PLB1: variants seen among roughly 807,000 people sequenced by gnomAD.
PLB1 encodes phospholipase B1, also known as phospholipase B1, membrane-associated.
PLB1 carries 242 observed loss-of-function variants against 227.4 expected under a neutral mutation model. The observed-to-expected ratio is 1.06, with a 90% confidence interval of 0.96 to 1.18. The LOEUF (loss-of-function observed/expected upper bound fraction) is 1.18. PLB1 is among the 50% of genes most tolerant of loss of function. The pLI is 0.00. For missense variants in PLB1, 1,858 were observed against 1,816.3 expected, an observed-to-expected ratio of 1.02 and a Z score of -0.42; for synonymous variants, 757 against 682.2, an observed-to-expected ratio of 1.11 and a Z score of -1.71.
chr2:28,504,319 C>A (rs1185988196), intron 1 of PLB1, among the ~76,000 whole-genome samples: 1 of 152,130 alleles, frequency 6.6e-6, no homozygotes, highest in African/African-American at 2.4e-5. Flanking sequence ...TAAACCTGAT[C>A]GTTGAAGATT....
Position 28,529,907 on chromosome 2 carries a change from T to TA in PLB1, c.468+134dup, listed in dbSNP as rs1572779806. The TA allele has an allele frequency of 1.1e-5, 8 of 753,736 alleles. No individual in the cohort carries two copies. In the East Asian group the frequency reaches 1.3e-4, roughly 12 times the overall value. The allele number at this position is 753,736 out of a possible 1,614,324, so 46.7% of individuals were successfully genotyped here. Reference sequence around the variant, plus strand: ...GGCAACTAGTGTGACCTGGGTTCTTTAAAAAATGTCTCTGCCATTCTCTGG... The same window carrying TA: ...GGCAACTAGTGTGACCTGGGTTCTTTAAAAAAATGTCTCTGCCATTCTCTGG... On this transcript the variant is annotated intron_variant, in intron 8 of 57. Transcript: ENST00000327757.
chr2:28,638,185 T>C (rs1402945563), intron 56 of PLB1, among the ~76,000 whole-genome samples: 1 of 151,718 alleles, frequency 6.6e-6, no homozygotes, highest in East Asian at 1.9e-4. Context: ...TGACCACATC[T>C]GTGGTTTAAG....
chr2:28,640,206 T>C (rs1471676693), intron 56 of PLB1, among the ~76,000 whole-genome samples: 1 of 152,116 alleles, frequency 6.6e-6, no homozygotes, highest in East Asian at 1.9e-4. Context: ...AAACAGACTC[T>C]GAATAGGTGA....
In PLB1 at chr2:28,501,019, T is replaced by C. The variant is rs541839176; in HGVS notation, c.55+4850T>C. On this transcript the variant is annotated intron_variant, in intron 1 of 57. Transcript: ENST00000327757. The stretch of plus-strand genomic sequence containing the variant: ...GGCTTCCATTGGTAGGGGAGTGTTA[T>C]TTAGAAACCAAGGTCCAGGTGCTAG... Among the ~76,000 whole-genome samples, 6 of 152,348 alleles carry C rather than the reference T, an allele frequency of 3.9e-5. No individual in the cohort carries two copies. The South Asian group carries it at 1.2e-3, about 32-fold the overall frequency.
chr2:28,597,683 A>G (rs58246138), intron 33 of PLB1, among the ~76,000 whole-genome samples: 7,665 of 152,294 alleles, frequency 0.05, 628 homozygotes, highest in African/African-American at 0.17. Context: ...TCACATCTAC[A>G]TCACTGGCTT....
chr2:28,633,287 A>G lies in PLB1; in HGVS notation c.4098+248A>G, dbSNP rs189737961. 241 of 480,734 alleles carry G rather than the reference A, an allele frequency of 5.0e-4. 4 individuals are homozygous for G. The East Asian group carries it at 7.9e-3, about 16-fold the overall frequency. 29.8% of individuals were successfully genotyped at this position (480,734 alleles called of 1,614,324 possible). On this transcript the variant is annotated intron_variant, in intron 56 of 57. Coordinates refer to ENST00000327757, the MANE Select transcript of PLB1 (RefSeq NM_153021.5). ...ATTCTTTGTTCCTTCAGCAATGCCC[A>G]GGTACTGCGAGGGGATCCCTTTGTA...
intron 43 of PLB1, among the ~76,000 whole-genome samples, chr2:28,610,567 C>T (rs1212235318): frequency 6.6e-6 from 1 of 152,156 alleles, no homozygotes; most frequent in African/African-American, 2.4e-5. Flanking sequence ...TTCTCAGTTC[C>T]AGCCACTCAT....
chr2:28,634,958 C>T (rs1689123480), intron 56 of PLB1, among the ~76,000 whole-genome samples: 3 of 152,108 alleles, frequency 2.0e-5, no homozygotes, highest in Admixed American at 2.0e-4. Flanking sequence ...GCCTTCTCTT[C>T]TAAAGCAGTT....
At position 28,573,315 on chromosome 2, in the gene PLB1, G is replaced by A. The variant is rs116673483; in HGVS notation, c.1433+10G>A. 13,648 of 1,603,136 alleles carry A rather than the reference G, an allele frequency of 8.5e-3. 91 individuals carry two copies. The highest frequency in any genetic ancestry group is 0.013 in the Middle Eastern group (70 of 5,490). The stretch of plus-strand genomic sequence containing the variant: ...CAGGAGGCCGAGCTGAGTAAGCAGG[G>A]GTGACCGGGGCGGTGAACAGCACAG... On this transcript the variant is annotated intron_variant, in intron 21 of 57. Transcript: ENST00000327757.
In PLB1 at chr2:28,598,656, C is replaced by A. The variant is rs1442375739; in HGVS notation, c.2370C>A (p.Ile790=). ...SLENVTTLPN[I]LREFNRNLTG... is the part of the protein sequence containing the mutation. ...CCCATTCACCTTCTCTTCCAGATAT[C>A]CTTCGGGAGTTTAACAGAAACCTCA... is the stretch of plus-strand genomic sequence containing the variant. The change falls in exon 35 of 58, where the codon ATC becomes ATA. Residue 790 remains isoleucine, a synonymous_variant. Coordinates refer to ENST00000327757, the MANE Select transcript of PLB1 (RefSeq NM_153021.5). The A allele has an allele frequency of 6.2e-7, 1 of 1,612,984 alleles. No individual in the cohort carries two copies.
chr2:28,590,853 A>G (rs1466823786), intron 29 of PLB1, among the ~76,000 whole-genome samples: 3 of 152,106 alleles, frequency 2.0e-5, no homozygotes, highest in Non-Finnish European at 4.4e-5. Context: ...GGGTGGAGAA[A>G]GAGAGGCAGC....
Position 28,552,975 on chromosome 2 carries a change from T to C in PLB1, c.1131T>C (p.Asp377=), listed in dbSNP as rs1452412211. The C allele has an allele frequency of 1.9e-6, 3 of 1,613,976 alleles. No homozygotes were observed. In the South Asian group the frequency reaches 3.3e-5, roughly 18 times the overall value. Residue 377 remains aspartate, a synonymous_variant, in exon 17 of 58, where the codon GAT becomes GAC. Transcript: ENST00000327757. The part of the protein sequence containing the change: ...EIRCPDKDPS[D]TVPTSVHRLK... ...GATGTCCTGACAAAGACCCCTCCGA[T>C]ACGGTTCCCACCTCAGGTACACAGC...
chr2:28,555,177 T>C (rs1674867289), intron 17 of PLB1, among the ~76,000 whole-genome samples: 1 of 146,626 alleles, frequency 6.8e-6, no homozygotes, highest in Non-Finnish European at 1.5e-5. Context: ...AGTTTTGCTC[T>C]GTCACCCAGG....
intron 31 of PLB1, among the ~76,000 whole-genome samples, chr2:28,592,194 T>A (rs1325940016): frequency 6.6e-6 from 1 of 152,130 alleles, no homozygotes; most frequent in African/African-American, 2.4e-5. Flanking sequence ...ACATGGCTAT[T>A]CTCAGACTCT....
intron 56 of PLB1, among the ~76,000 whole-genome samples, chr2:28,635,016 G>T (rs1391514649): frequency 2.0e-5 from 3 of 152,160 alleles, no homozygotes; most frequent in Non-Finnish European, 4.4e-5. Flanking sequence ...ATTTCATAAA[G>T]ATAAGTGGGA....
intron 56 of PLB1, among the ~76,000 whole-genome samples, chr2:28,633,782 G>A (rs536465344): frequency 2.0e-5 from 3 of 152,202 alleles, no homozygotes; most frequent in African/African-American, 4.8e-5. Flanking sequence ...CCTCTTGCAC[G>A]GAGCAAATGA....
At chr2:28,565,376 C>T in intron 19 of PLB1, 23 bp downstream of exon 19, 1 of 1,587,626 alleles carries the variant, frequency 6.3e-7, no homozygotes, top group Non-Finnish European at 8.6e-7. Flanking sequence ...GTGGCAAGGC[C>T]CCAAAGGCCC....
At chr2:28,595,160 C>T (rs1280751380) in intron 33 of PLB1, 1 of 152,202 alleles carries the variant, frequency 6.6e-6, no homozygotes, top group Non-Finnish European at 1.5e-5. Context: ...TTTCTTTCTG[C>T]AGCGATGGGA....
intron 25 of PLB1, among the ~76,000 whole-genome samples, chr2:28,584,405 A>G (rs1285373377): frequency 6.6e-6 from 1 of 152,200 alleles, no homozygotes; most frequent in Non-Finnish European, 1.5e-5. Flanking sequence ...GGTGTCAGGC[A>G]TGCTATTTCC....
Sources: allele counts gnomAD v4.1 joint callset (sites outside exome capture counted in the v4.1 genomes callset), GRCh38; gene constraint gnomAD v4.1.1; transcripts MANE v1.5; gene names NCBI Gene and HGNC (gene_info 2026-07-23, HGNC 2026-07-21).